Variants in RBM26 observed in about 807,000 individuals in gnomAD.
RBM26 encodes RNA-binding protein 26.
RBM26 carries 30 observed loss-of-function variants against 123.6 expected under a neutral mutation model. The ratio of observed to expected loss-of-function variants is 0.24; its 90% CI spans 0.18 to 0.33. The LOEUF (loss-of-function observed/expected upper bound fraction) is 0.33, where lower values mean the gene tolerates loss of function less well. Ranked by LOEUF, RBM26 falls within the 10% of genes least tolerant of loss-of-function variation. The pLI, the probability that RBM26 is intolerant of heterozygous loss-of-function variation, is 1.00. For synonymous variants in RBM26, 400 were observed against 404.4 expected (o/e 0.99, Z 0.13); for missense variants, 947 against 1,203.6 (o/e 0.79, Z 3.15).
At chr13:79,356,906 T>C (rs1230742591) in intron 11 of RBM26, among the ~76,000 whole-genome samples, 1 of 152,170 alleles carries the variant, frequency 6.6e-6, no homozygotes, top group Non-Finnish European at 1.5e-5. Context: ...GTTAATTGTG[T>C]GAAGAATATT....
intron 13 of RBM26, among the ~76,000 whole-genome samples, chr13:79,353,990 C>T (rs1278844836): frequency 6.6e-6 from 1 of 152,150 alleles, no homozygotes; most frequent in African/African-American, 2.4e-5. Context: ...AGTATAATAT[C>T]AAGCATGCTT....
intron 1 of RBM26, among the ~76,000 whole-genome samples, chr13:79,381,425 T>C (rs1468461553): frequency 1.6e-5 from 1 of 63,370 alleles, no homozygotes; most frequent in Non-Finnish European, 3.1e-5. Context: ...TGGAAATCAT[T>C]ATGATACATA....
At position 79,320,297 on chromosome 13, in the gene RBM26, T is replaced by C; in HGVS notation, c.*324A>G. The C allele has an allele frequency of 3.0e-6, 3 of 995,118 alleles. No homozygotes were observed. The highest frequency in any genetic ancestry group is 3.6e-6 in the Non-Finnish European group (3 of 833,220). 61.6% of individuals were successfully genotyped at this position (995,118 alleles called of 1,614,324 possible). On this transcript the variant is annotated 3_prime_UTR_variant, in exon 22 of 22. Transcript: ENST00000438737. ...ACAAAGTCCTCTAAGTTATAACAAG[T>C]ATTGGTCATAAGTTTTCAGACCTAT... is the stretch of plus-strand genomic sequence containing the variant.
At chr13:79,392,793 CAA>C (rs58872719) in intron 1 of RBM26, among the ~76,000 whole-genome samples, 5 of 140,018 alleles carry the variant, frequency 3.6e-5, no homozygotes, top group Admixed American at 7.2e-5. Context: ...TTGAGAAGAC[CAA>C]AAAAAAAAAA....
intron 11 of RBM26, among the ~76,000 whole-genome samples, chr13:79,356,954 A>C (rs1376197621): frequency 6.6e-6 from 1 of 152,216 alleles, no homozygotes; most frequent in Non-Finnish European, 1.5e-5. Flanking sequence ...GTGGTAGATC[A>C]AATGAAATTG....
intron 8 of RBM26, 34 bp from the exon 9 acceptor site, chr13:79,365,752 T>C (rs748497760): frequency 1.3e-6 from 2 of 1,589,338 alleles, no homozygotes; most frequent in Admixed American, 1.8e-5. Context: ...AAAAAACAAT[T>C]ATAAAACTCC....
intron 1 of RBM26, among the ~76,000 whole-genome samples, chr13:79,383,833 T>C (rs955648540): frequency 7.9e-5 from 12 of 152,094 alleles, no homozygotes; most frequent in Non-Finnish European, 1.5e-4. Flanking sequence ...ATAAAACAAG[T>C]ATTATTTAAG....
rs1566428828 is a variant in RBM26, at chr13:79,356,384, ACAAAC to A, written c.1690-1005_1690-1001del. Reference sequence around the variant, plus strand: ...GACTCTGTCTCAAAAAAAAAAAAAAACAAACAAAAAAAAACAAAAAAGTAGTTGGA... The same window carrying A: ...GACTCTGTCTCAAAAAAAAAAAAAAAAAAAAAAAACAAAAAAGTAGTTGGA... On this transcript the variant is annotated intron_variant, in intron 11 of 21. Coordinates refer to ENST00000438737, the MANE Select transcript of RBM26 (RefSeq NM_001366735.2). Among the ~76,000 whole-genome samples the A allele has an allele frequency of 3.5e-3, 99 of 27,976 alleles. 23 individuals carry two copies. The highest frequency in any genetic ancestry group is 5.0e-3 in the Non-Finnish European group (60 of 12,018). 18.4% of individuals were successfully genotyped at this position (27,976 alleles called of 152,430 possible). A position where few individuals can be genotyped will look rare whatever the true frequency, so the allele number is the denominator to read the frequency against.
chr13:79,315,345 ATGT>A (rs1161599363), downstream of RBM26, among the ~76,000 whole-genome samples: 1 of 151,908 alleles, frequency 6.6e-6, no homozygotes, highest in Non-Finnish European at 1.5e-5. Context: ...AAATTCCAAG[ATGT>A]TGTAAATAAA....
intron 1 of RBM26, among the ~76,000 whole-genome samples, chr13:79,400,618 A>G (rs7992181): frequency 0.087 from 13,195 of 152,202 alleles, 1,331 homozygotes; most frequent in African/African-American, 0.24. Flanking sequence ...AAAAATGTCA[A>G]TGTAACAACA....
chr13:79,353,956 G>A (rs529419620), intron 13 of RBM26, among the ~76,000 whole-genome samples: 99 of 152,312 alleles, frequency 6.5e-4, no homozygotes, highest in African/African-American at 2.2e-3. Context: ...AAAGTTATGA[G>A]AGAGCAGTCT....
At chr13:79,394,359 ATTC>A (rs1405683802) in intron 1 of RBM26, among the ~76,000 whole-genome samples, 2 of 152,100 alleles carry the variant, frequency 1.3e-5, no homozygotes, top group Non-Finnish European at 2.9e-5. Flanking sequence ...AGGAAGAGAA[ATTC>A]TTCTGCCATT....
At chr13:79,359,525 C>A (rs763567785) in intron 10 of RBM26, 50 bp downstream of exon 10, 8 of 847,642 alleles carry the variant, frequency 9.4e-6, no homozygotes, top group Non-Finnish European at 1.2e-5. Context: ...CAGAAATGAT[C>A]CTGAAAATCA....
At chr13:79,366,566 C>A in intron 7 of RBM26, 67 bp downstream of exon 7, 1 of 1,427,928 alleles carries the variant, frequency 7.0e-7, no homozygotes. Context: ...ATTTAAGAAT[C>A]TATTAAGTTT....
Position 79,359,558 on chromosome 13 carries a change from T to A in RBM26, c.1529+17A>T, listed in dbSNP as rs1022612772. ...TCAATGCACAATTATACTCCTCAAT[T>A]TTCCTGGCCACCTTACTTATCAAAC... is the stretch of plus-strand genomic sequence containing the variant. On this transcript the variant is annotated intron_variant, in intron 10 of 21. Transcript: ENST00000438737. The A allele has an allele frequency of 7.4e-6, 9 of 1,217,282 alleles. No individual in the cohort carries two copies. The Admixed American group carries it at 1.8e-4, about 24-fold the overall frequency. The allele number at this position is 1,217,282 out of a possible 1,614,324, so 75.4% of individuals were successfully genotyped here. A position where few individuals can be genotyped will look rare whatever the true frequency, so the allele number is the denominator to read the frequency against.
chr13:79,349,279 CTTTAA>C lies in RBM26; in HGVS notation c.2058+3869_2058+3873del, dbSNP rs2072831899. 2.0e-5 allele frequency among the ~76,000 whole-genome samples: 3 copies of C among 152,256 alleles called. No homozygotes were observed. In the South Asian group the frequency reaches 6.2e-4, roughly 32 times the overall value. ...AGTCACCACGTTGTACTATAGATAT[CTTTAA>C]TTTATTTCTTCTATCTAACTGAAGT... On this transcript the variant is annotated intron_variant, in intron 14 of 21. Transcript: ENST00000438737.
intron 5 of RBM26, 77 bp from the exon 6 acceptor site, chr13:79,369,067 T>G: frequency 1.1e-6 from 1 of 946,058 alleles, no homozygotes; most frequent in East Asian, 2.9e-5. Context: ...GAAATAGTGA[T>G]ATTTTTATAA....
chr13:79,318,902 T>C lies in RBM26; in HGVS notation c.*1719A>G. The C allele has an allele frequency of 2.0e-6, 2 of 979,790 alleles. No individual in the cohort carries two copies. Among genetic ancestry groups the C allele is most frequent in the Non-Finnish European group, 2.4e-6 (2 of 825,072 alleles). The allele number at this position is 979,790 out of a possible 1,614,324, so 60.7% of individuals were successfully genotyped here. On this transcript the variant is annotated 3_prime_UTR_variant, in exon 22 of 22. Coordinates refer to ENST00000438737, the MANE Select transcript of RBM26 (RefSeq NM_001366735.2). The stretch of plus-strand genomic sequence containing the variant: ...CTACTAAAAAGAAAAGAAAACAAAC[T>C]TACCTAATGAATCAGAATAGCACAT...
At chr13:79,330,658 G>A (rs1304011457) in intron 20 of RBM26, among the ~76,000 whole-genome samples, 1 of 152,074 alleles carries the variant, frequency 6.6e-6, no homozygotes, top group African/African-American at 2.4e-5. Context: ...CTAAAAGCAA[G>A]TTTAGTAATA....
Sources: allele counts gnomAD v4.1 joint callset (sites outside exome capture counted in the v4.1 genomes callset), GRCh38; gene constraint gnomAD v4.1.1; transcripts MANE v1.5; gene names NCBI Gene and HGNC (gene_info 2026-07-23, HGNC 2026-07-21).